RIMKLA: variants seen among roughly 807,000 people sequenced by gnomAD.
RIMKLA encodes the protein N-acetylaspartylglutamate synthase A.
RIMKLA carries 14 observed loss-of-function variants against 32.7 expected under a neutral mutation model. That is an observed-to-expected ratio of 0.43 (90% CI 0.28 to 0.67). The LOEUF is 0.67. Ranked by LOEUF, RIMKLA falls within the 30% of genes least tolerant of loss-of-function variation. The pLI is 0.18. For missense variants in RIMKLA, 410 were observed against 519.0 expected, an observed-to-expected ratio of 0.79 and a Z score of 2.04; for synonymous variants, 176 against 204.1, an observed-to-expected ratio of 0.86 and a Z score of 1.18.
rs193074193 is a variant in RIMKLA, at chr1:42,409,945, C to A, written c.482-39C>A. On this transcript the variant is annotated intron_variant, in intron 3 of 4. Transcript: ENST00000431473. ...AGATGGCAAGTACAGAGTCCAGAGG[C>A]TTCTCTAACCCCTTCTCTTGCTCTT... is the stretch of plus-strand genomic sequence containing the variant. 9 of 1,527,532 alleles carry A rather than the reference C, an allele frequency of 5.9e-6. No homozygotes were observed. In the African/African-American group the frequency reaches 1.2e-4, roughly 21 times the overall value. 94.6% of individuals were successfully genotyped at this position (1,527,532 alleles called of 1,614,324 possible). A position where few individuals can be genotyped will look rare whatever the true frequency, so the allele number is the denominator to read the frequency against.
intron 3 of RIMKLA, 42 bp downstream of exon 3, chr1:42,404,639 C>A: frequency 8.0e-7 from 1 of 1,253,802 alleles, no homozygotes. Flanking sequence ...AATCAGCCCA[C>A]TAGGGCTGCT....
chr1:42,397,729 AAAAAT>A (rs749226221), intron 1 of RIMKLA, among the ~76,000 whole-genome samples: 19 of 151,934 alleles, frequency 1.3e-4, no homozygotes, highest in African/African-American at 3.4e-4. Flanking sequence ...TGTCTAAAAA[AAAAAT>A]AAAATAATAC....
At chr1:42,412,552 A>G in intron 4 of RIMKLA, 1 of 461,214 alleles carries the variant, frequency 2.2e-6, no homozygotes, top group Non-Finnish European at 4.2e-6. Flanking sequence ...TAGATCTTCA[A>G]ATTGCACATC....
chr1:42,413,501 C>CAAAAAAA (rs201462707), intron 4 of RIMKLA, among the ~76,000 whole-genome samples: 1 of 125,586 alleles, frequency 8.0e-6, no homozygotes, highest in African/African-American at 3.1e-5. Context: ...AAGAGTCTCT[C>CAAAAAAA]AAAAAAAAAA....
At position 42,415,918 on chromosome 1, in the gene RIMKLA, G is replaced by C. The variant is rs1250383783; in HGVS notation, c.*944G>C. On this transcript the variant is annotated 3_prime_UTR_variant, in exon 5 of 5. Transcript: ENST00000431473. The stretch of plus-strand genomic sequence containing the variant: ...TTTGTGTACTGCTTAGCTGTAGGGG[G>C]TTTTCTTGTATGAGTGGGTGTTGGA... 1 of 152,148 alleles carries C rather than the reference G, an allele frequency of 6.6e-6. No homozygotes were observed. Among genetic ancestry groups the C allele is most frequent in the Non-Finnish European group, 1.5e-5 (1 of 68,040 alleles). The allele number at this position is 152,148 out of a possible 1,614,324, so 9.4% of individuals were successfully genotyped here.
At position 42,423,346 on chromosome 1, in the gene RIMKLA, T is replaced by C. The variant is rs1006301109; in HGVS notation, c.*8372T>C. Among the ~76,000 whole-genome samples, 4 of 152,164 alleles carry C rather than the reference T, an allele frequency of 2.6e-5. No homozygotes were observed. The highest frequency in any genetic ancestry group is 4.8e-5 in the African/African-American group (2 of 41,432). ...TCAAACTACACAAAAGTGGAGAGAA[T>C]AGTAAACTCCCCAGAAAAGGACGTT... On this transcript the variant is annotated 3_prime_UTR_variant, in exon 5 of 5. Transcript: ENST00000431473.
At chr1:42,405,327 C>G (rs1643134185) in intron 3 of RIMKLA, among the ~76,000 whole-genome samples, 1 of 152,282 alleles carries the variant, frequency 6.6e-6, no homozygotes, top group Middle Eastern at 3.4e-3. Context: ...GGTTTATATG[C>G]CTCCTTTCTT....
At chr1:42,390,861 C>A (rs1349583197) in intron 1 of RIMKLA, among the ~76,000 whole-genome samples, 2 of 151,912 alleles carry the variant, frequency 1.3e-5, no homozygotes, top group African/African-American at 4.8e-5. Context: ...ATTGGTCTGG[C>A]CAGAGTTGTG....
chr1:42,397,487 C>A (rs1470591578), intron 1 of RIMKLA, among the ~76,000 whole-genome samples: 1 of 152,148 alleles, frequency 6.6e-6, no homozygotes, highest in Non-Finnish European at 1.5e-5. Flanking sequence ...CTTTGGGAGG[C>A]CAAGGCAGGA....
chr1:42,388,493 C>T (rs1282973486), intron 1 of RIMKLA, among the ~76,000 whole-genome samples: 1 of 150,444 alleles, frequency 6.6e-6, no homozygotes, highest in Non-Finnish European at 1.5e-5. Context: ...GCATGAGCCA[C>T]TGTGCTTGGC....
At chr1:42,381,182 C>A (rs1642885179) in intron 1 of RIMKLA, 85 bp downstream of exon 1, 8 of 1,058,566 alleles carry the variant, frequency 7.6e-6, no homozygotes, top group South Asian at 3.9e-5. Flanking sequence ...CCGGGCCTCC[C>A]GCAGCAGAGT....
intron 1 of RIMKLA, among the ~76,000 whole-genome samples, chr1:42,396,208 C>T (rs1363093805): frequency 7.4e-6 from 1 of 134,584 alleles, no homozygotes; most frequent in Non-Finnish European, 1.5e-5. Context: ...TGCACTCCAG[C>T]CTGGGCAACA....
intron 1 of RIMKLA, among the ~76,000 whole-genome samples, chr1:42,382,324 T>A (rs1281443461): frequency 1.3e-5 from 2 of 152,250 alleles, no homozygotes; most frequent in Non-Finnish European, 2.9e-5. Flanking sequence ...TCACAGTTAA[T>A]GTAGAACTAG....
intron 1 of RIMKLA, among the ~76,000 whole-genome samples, chr1:42,397,842 C>T (rs1643061262): frequency 6.6e-6 from 1 of 152,172 alleles, no homozygotes; most frequent in Non-Finnish European, 1.5e-5. Flanking sequence ...CTACTCATGC[C>T]ATATCCTGTC....
At position 42,415,753 on chromosome 1, in the gene RIMKLA, T is replaced by C. The variant is rs530690343; in HGVS notation, c.*779T>C. 6.6e-6 allele frequency: 1 copy of C among 152,344 alleles called. No homozygotes were observed. Among genetic ancestry groups the C allele is most frequent in the Non-Finnish European group, 1.5e-5 (1 of 68,046 alleles). The allele number at this position is 152,344 out of a possible 1,614,324, so 9.4% of individuals were successfully genotyped here. On this transcript the variant is annotated 3_prime_UTR_variant, in exon 5 of 5. Transcript: ENST00000431473. ...AATGAGCTAGTGGCCACTCAGTTTA[T>C]TTCTTAAGCGTGCACTAGAATCTAA...
intron 1 of RIMKLA, among the ~76,000 whole-genome samples, chr1:42,392,016 C>A (rs919400655): frequency 3.9e-5 from 6 of 152,146 alleles, no homozygotes; most frequent in African/African-American, 1.4e-4. Flanking sequence ...TCTTGAAGGG[C>A]CTTTCCAAGG....
intron 1 of RIMKLA, among the ~76,000 whole-genome samples, chr1:42,392,098 G>T (rs1643004460): frequency 6.6e-6 from 1 of 152,178 alleles, no homozygotes; most frequent in African/African-American, 2.4e-5. Flanking sequence ...TGATTTGTTT[G>T]AGAGGTAGAG....
Position 42,416,370 on chromosome 1 carries a change from A to AG in RIMKLA, c.*1398dup, listed in dbSNP as rs1474436394. 3 of 152,242 alleles carry AG rather than the reference A, an allele frequency of 2.0e-5. No individual in the cohort carries two copies. The highest frequency in any genetic ancestry group is 2.0e-4 in the Admixed American group (3 of 15,290). The allele number at this position is 152,242 out of a possible 1,614,324, so 9.4% of individuals were successfully genotyped here. A position where few individuals can be genotyped will look rare whatever the true frequency, so the allele number is the denominator to read the frequency against. On this transcript the variant is annotated 3_prime_UTR_variant, in exon 5 of 5. Transcript: ENST00000431473. ...TACCTTTGAAGCCATGCAAGGCAAG[A>AG]GGCCTCACAACTTTATAGTCAGACC...
intron 1 of RIMKLA, among the ~76,000 whole-genome samples, chr1:42,394,739 A>AT (rs113030477): frequency 0.039 from 5,749 of 145,900 alleles, 320 homozygotes; most frequent in African/African-American, 0.12. Flanking sequence ...AGTTATGAAG[A>AT]TTTTTTTTTT....
Sources: allele counts gnomAD v4.1 joint callset (sites outside exome capture counted in the v4.1 genomes callset), GRCh38; gene constraint gnomAD v4.1.1; transcripts MANE v1.5; gene names NCBI Gene and HGNC (gene_info 2026-07-23, HGNC 2026-07-21).